The following SLC26A7 variants were observed in gnomAD, a reference collection of about 807,000 sequenced individuals.
The protein encoded by SLC26A7 is anion exchange transporter.
SLC26A7 carries 59 observed loss-of-function variants against 82.5 expected under a neutral mutation model. That is an observed-to-expected ratio of 0.72 (90% CI 0.58 to 0.89). The LOEUF (loss-of-function observed/expected upper bound fraction) is 0.89. Among genes scored for constraint, SLC26A7 ranks in the 40% least tolerant of loss-of-function variants. The pLI is 0.00. For missense variants in SLC26A7, 820 were observed against 793.0 expected (o/e 1.03, Z -0.41); for synonymous variants, 271 against 274.3 (o/e 0.99, Z 0.12).
chr8:91,276,406 T>C (rs961455958), intron 2 of SLC26A7, among the ~76,000 whole-genome samples: 13 of 152,242 alleles, frequency 8.5e-5, no homozygotes, highest in Admixed American at 5.9e-4. Context: ...AAAGAAGTCA[T>C]TGATTTTTAG....
chr8:91,365,141 A>G (rs185987005), intron 13 of SLC26A7, among the ~76,000 whole-genome samples: 2 of 151,436 alleles, frequency 1.3e-5, no homozygotes, highest in Admixed American at 6.6e-5. Flanking sequence ...AACAATTTGA[A>G]TATCTATTCT....
Position 91,395,051 on chromosome 8 carries a change from T to C in SLC26A7, c.1936-11T>C. The C allele has an allele frequency of 6.2e-7, 1 of 1,613,218 alleles. No homozygotes were observed. The highest frequency in any genetic ancestry group is 8.5e-7 in the Non-Finnish European group (1 of 1,179,182). On this transcript the variant is annotated splice_polypyrimidine_tract_variant and intron_variant, in intron 18 of 18. Transcript: ENST00000276609. The stretch of plus-strand genomic sequence containing the variant: ...AATAGCACATACTTACTTCTTCCTC[T>C]GGTATTTCAGAATTTGAGCAAACTC...
intron 1 of SLC26A7, among the ~76,000 whole-genome samples, chr8:91,216,793 A>G (rs1810055762): frequency 6.6e-6 from 1 of 152,118 alleles, no homozygotes; most frequent in South Asian, 2.1e-4. Flanking sequence ...AAAAATACTT[A>G]TGAAATCTTT....
At chr8:91,259,101 C>T (rs1419340688) in intron 2 of SLC26A7, among the ~76,000 whole-genome samples, 4 of 152,054 alleles carry the variant, frequency 2.6e-5, no homozygotes, top group Admixed American at 6.6e-5. Context: ...AAACCACAGG[C>T]GTGCATTGAT....
intron 2 of SLC26A7, among the ~76,000 whole-genome samples, chr8:91,270,397 A>G (rs1355507253): frequency 6.6e-6 from 1 of 152,146 alleles, no homozygotes; most frequent in Admixed American, 6.5e-5. Flanking sequence ...GATCATTGGA[A>G]CTTAAACACT....
At chr8:91,292,424 C>T (rs1398157600) in intron 3 of SLC26A7, among the ~76,000 whole-genome samples, 1 of 152,018 alleles carries the variant, frequency 6.6e-6, no homozygotes, top group Non-Finnish European at 1.5e-5. Context: ...TGAGTGTCAC[C>T]AATAAGTTCC....
At chr8:91,240,594 G>A (rs906713410) in intron 2 of SLC26A7, among the ~76,000 whole-genome samples, 7 of 152,068 alleles carry the variant, frequency 4.6e-5, no homozygotes, top group African/African-American at 1.7e-4. Context: ...CACTGTCTGA[G>A]TTATACTTGG....
intron 15 of SLC26A7, among the ~76,000 whole-genome samples, chr8:91,380,775 C>G (rs1443052713): frequency 6.6e-6 from 1 of 152,132 alleles, no homozygotes; most frequent in African/African-American, 2.4e-5. Flanking sequence ...ATCAGCAATT[C>G]TGCTCTTAGT....
At position 91,293,468 on chromosome 8, in the gene SLC26A7, C is replaced by T. The variant is rs533066545; in HGVS notation, c.305-2063C>T. 3.9e-5 allele frequency among the ~76,000 whole-genome samples: 6 copies of T among 152,342 alleles called. No individual in the cohort carries two copies. The East Asian group carries it at 1.2e-3, about 29-fold the overall frequency. On this transcript the variant is annotated intron_variant, in intron 3 of 18. Transcript: ENST00000276609. Reference sequence around the variant, plus strand: ...ACTTCCCTTGATTGGCCTTCATTATCTCAGAAACAGCAAAGCATTATCCTT... The same window carrying T: ...ACTTCCCTTGATTGGCCTTCATTATTTCAGAAACAGCAAAGCATTATCCTT...
chr8:91,338,352 C>A (rs528976792), intron 7 of SLC26A7, 120 bp downstream of exon 7: 54 of 601,564 alleles, frequency 9.0e-5, no homozygotes, highest in Non-Finnish European at 1.3e-4. Flanking sequence ...ATTTCTATTA[C>A]AAAATGATAG....
intron 9 of SLC26A7, among the ~76,000 whole-genome samples, chr8:91,345,640 T>C (rs949176934): frequency 2.0e-5 from 3 of 152,226 alleles, no homozygotes; most frequent in Middle Eastern, 3.2e-3. Context: ...CAAGATGCAA[T>C]GAGACAGTTT....
At chr8:91,356,583 G>T (rs1005808313) in intron 11 of SLC26A7, among the ~76,000 whole-genome samples, 19 of 151,904 alleles carry the variant, frequency 1.3e-4, no homozygotes, top group African/African-American at 4.1e-4. Flanking sequence ...GTTGTTAGTT[G>T]TTTTCTTGTA....
chr8:91,244,405 CTTTT>C (rs1024968409), upstream of SLC26A7, among the ~76,000 whole-genome samples: 1 of 146,858 alleles, frequency 6.8e-6, no homozygotes, highest in Non-Finnish European at 1.5e-5. Flanking sequence ...TCTTTTCATT[CTTTT>C]TTTATGATTT....
In SLC26A7 at chr8:91,318,348, C is replaced by T. The variant is rs781135695; in HGVS notation, c.610C>T (p.Pro204Ser). ...QVKYLLGMKMPYISGPLGFFY... is the reference protein window; with the variant it reads ...QVKYLLGMKMSYISGPLGFFY... ...CAAATATCTCTTGGGAATGAAAATG[C>T]CATATATATCCGGACCACTTGGATT... The change falls in exon 5 of 19, where the codon CCA (proline) becomes TCA (serine). Residue 204 changes from proline (P) to serine (S), a missense_variant. By Grantham distance (74) the Pro-to-Ser change is moderately conservative (BLOSUM62 -1). Coordinates refer to ENST00000276609, the MANE Select transcript of SLC26A7 (RefSeq NM_052832.4). 1 of 1,610,068 alleles carries T rather than the reference C, an allele frequency of 6.2e-7. No individual in the cohort carries two copies. The highest frequency in any genetic ancestry group is 1.3e-5 in the African/African-American group (1 of 74,756).
At chr8:91,302,097 T>C (rs1812182317) in intron 4 of SLC26A7, among the ~76,000 whole-genome samples, 1 of 152,148 alleles carries the variant, frequency 6.6e-6, no homozygotes, top group Non-Finnish European at 1.5e-5. Flanking sequence ...CCTAATTTAC[T>C]AACATTTTCC....
chr8:91,386,745 C>A (rs1395323212), intron 15 of SLC26A7, among the ~76,000 whole-genome samples: 1 of 152,122 alleles, frequency 6.6e-6, no homozygotes, highest in Non-Finnish European at 1.5e-5. Flanking sequence ...GTAAATATTT[C>A]TACTATCACT....
At chr8:91,373,772 C>G (rs1017302239) in intron 15 of SLC26A7, among the ~76,000 whole-genome samples, 29 of 151,880 alleles carry the variant, frequency 1.9e-4, no homozygotes, top group African/African-American at 6.8e-4. Flanking sequence ...TCTTCCTCAA[C>G]TTTTTGGAAT....
At chr8:91,227,825 C>T (rs2130670559) in intron 2 of SLC26A7, among the ~76,000 whole-genome samples, 1 of 152,260 alleles carries the variant, frequency 6.6e-6, no homozygotes, top group Admixed American at 6.5e-5. Flanking sequence ...TCCAGAATAA[C>T]ATTTGAAACT....
At chr8:91,239,395 A>AATATATATAT (rs1554600120) in intron 2 of SLC26A7, among the ~76,000 whole-genome samples, 11 of 94,868 alleles carry the variant, frequency 1.2e-4, no homozygotes, top group African/African-American at 3.2e-4. Context: ...AAAAAAAAAA[A>AATATATATAT]ATATATATAT....
Sources: gnomAD v4.1 joint callset for allele counts (sites outside exome capture counted in the v4.1 genomes callset) on GRCh38, gnomAD v4.1.1 for gene constraint, MANE v1.5 for transcripts, NCBI Gene and HGNC (gene_info 2026-07-23, HGNC 2026-07-21) for gene names.